The following FCHSD2 variants were observed in gnomAD, a reference collection of about 807,000 sequenced individuals.
FCHSD2 encodes FCH and double SH3 domains 2.
Under a neutral mutation model 108.1 loss-of-function variants are expected in FCHSD2, and 38 were observed. That is an observed-to-expected ratio of 0.35 (90% CI 0.27 to 0.46). The LOEUF (loss-of-function observed/expected upper bound fraction) is 0.46. Among genes scored for constraint, FCHSD2 ranks in the 20% least tolerant of loss-of-function variants. The pLI is 1.00. For synonymous variants in FCHSD2, 279 were observed against 314.7 expected (o/e 0.89, Z 1.20); for missense variants, 751 against 897.8 (o/e 0.84, Z 2.09).
At chr11:73,036,263 A>G (rs73534943) in intron 3 of FCHSD2, among the ~76,000 whole-genome samples, 5,094 of 152,074 alleles carry the variant, frequency 0.033, 283 homozygotes, top group African/African-American at 0.12. Context: ...TGGAGCCAAC[A>G]TAATAATTTT....
intron 2 of FCHSD2, among the ~76,000 whole-genome samples, chr11:73,111,054 G>GT (rs901411922): frequency 3.9e-4 from 59 of 151,678 alleles, no homozygotes; most frequent in Admixed American, 9.2e-4. Flanking sequence ...TATTTCAGGG[G>GT]TTTTTTTTAA....
At chr11:72,969,348 G>A (rs910423690) in intron 8 of FCHSD2, among the ~76,000 whole-genome samples, 45 of 152,248 alleles carry the variant, frequency 3.0e-4, no homozygotes, top group African/African-American at 1.0e-3. Context: ...AATAAAAATC[G>A]GATTAGAACT....
rs76107225 is a variant in FCHSD2, at chr11:72,851,422, T to C, written c.1309-1533A>G. 3.1e-4 allele frequency among the ~76,000 whole-genome samples: 47 copies of C among 152,224 alleles called. No homozygotes were observed. The East Asian group carries it at 8.7e-3, about 28-fold the overall frequency. ...TGAATGCACTCTGATGTATCCATAT[T>C]ATAGATTAATAACACTCATTAAAAA... On this transcript the variant is annotated intron_variant, in intron 13 of 19. Transcript: ENST00000409418.
intron 2 of FCHSD2, among the ~76,000 whole-genome samples, chr11:73,116,161 A>G (rs561491163): frequency 5.1e-4 from 78 of 152,322 alleles, no homozygotes; most frequent in African/African-American, 1.9e-3. Context: ...CTTTACTGAG[A>G]TGATCTTATG....
intron 8 of FCHSD2, among the ~76,000 whole-genome samples, chr11:72,931,076 T>C (rs893491512): frequency 6.9e-6 from 1 of 145,384 alleles, no homozygotes; most frequent in Non-Finnish European, 1.5e-5. Context: ...ATATACCTAC[T>C]ATATACCCAC....
intron 2 of FCHSD2, among the ~76,000 whole-genome samples, chr11:73,112,985 T>A (rs547788844): frequency 6.6e-6 from 1 of 152,306 alleles, no homozygotes; most frequent in East Asian, 1.9e-4. Flanking sequence ...CTTTTGCAGC[T>A]ACTTTCTAGA....
intron 8 of FCHSD2, among the ~76,000 whole-genome samples, chr11:72,971,103 G>A (rs1241549664): frequency 6.6e-6 from 1 of 152,056 alleles, no homozygotes; most frequent in Non-Finnish European, 1.5e-5. Flanking sequence ...CAAACTAAAT[G>A]CTGTTGTTTT....
At chr11:72,935,252 A>T (rs1446228629) in intron 8 of FCHSD2, among the ~76,000 whole-genome samples, 1 of 152,146 alleles carries the variant, frequency 6.6e-6, no homozygotes, top group Non-Finnish European at 1.5e-5. Context: ...AAAATGGGTC[A>T]TTTTCCTAAG....
intron 8 of FCHSD2, among the ~76,000 whole-genome samples, chr11:72,961,226 T>C (rs1221681289): frequency 6.6e-6 from 1 of 152,130 alleles, no homozygotes; most frequent in Admixed American, 6.6e-5. Context: ...TTTCTCTGTA[T>C]TTAGTACTTT....
At chr11:72,975,116 G>T (rs1446472159) in intron 8 of FCHSD2, among the ~76,000 whole-genome samples, 1 of 152,144 alleles carries the variant, frequency 6.6e-6, no homozygotes, top group Non-Finnish European at 1.5e-5. Flanking sequence ...ATGTCCTCTA[G>T]GGTCATCCAT....
intron 9 of FCHSD2, among the ~76,000 whole-genome samples, chr11:72,907,202 G>A (rs1460835827): frequency 2.0e-5 from 3 of 152,184 alleles, no homozygotes; most frequent in African/African-American, 7.2e-5. Context: ...AGACTTTGCT[G>A]AAGTTGCTTA....
chr11:72,903,106 G>GT lies in FCHSD2; in HGVS notation c.829-469dup, dbSNP rs2135275391. On this transcript the variant is annotated intron_variant, in intron 9 of 19. Transcript: ENST00000409418. ...CACAGCACCAAATAGTGTTTGTAGA[G>GT]TATTTCTCAGCACCTTCTTGAGGAG... 1.3e-5 allele frequency among the ~76,000 whole-genome samples: 2 copies of GT among 152,322 alleles called. 1 individual carries two copies. The highest frequency in any genetic ancestry group is 4.1e-4 in the South Asian group (2 of 4,828).
intron 2 of FCHSD2, among the ~76,000 whole-genome samples, chr11:73,096,373 T>C: frequency 2.7e-5 from 2 of 73,490 alleles, no homozygotes; most frequent in South Asian, 5.5e-4. Context: ...AAACCCTGCC[T>C]CTACAAAAAA....
intron 2 of FCHSD2, among the ~76,000 whole-genome samples, chr11:73,132,467 C>T (rs1366040929): frequency 1.3e-5 from 2 of 152,294 alleles, no homozygotes; most frequent in Admixed American, 1.3e-4. Context: ...TTTCAATCTA[C>T]GGCCTACCTT....
At chr11:73,070,185 G>T (rs1859399370) in intron 3 of FCHSD2, among the ~76,000 whole-genome samples, 1 of 152,130 alleles carries the variant, frequency 6.6e-6, no homozygotes. Context: ...TAATGACATG[G>T]AAAGCAATCT....
At chr11:72,984,984 C>T in intron 7 of FCHSD2, 78 bp downstream of exon 7, 1 of 665,192 alleles carries the variant, frequency 1.5e-6, no homozygotes. Flanking sequence ...TAATCCACCT[C>T]CACCCTCAAA....
chr11:73,114,160 T>C (rs1860555073), intron 2 of FCHSD2, among the ~76,000 whole-genome samples: 1 of 151,914 alleles, frequency 6.6e-6, no homozygotes, highest in Non-Finnish European at 1.5e-5. Flanking sequence ...AAGTCCTTCC[T>C]ATTCTTCCCT....
chr11:72,918,725 T>C (rs952526706), intron 9 of FCHSD2, among the ~76,000 whole-genome samples: 1 of 152,172 alleles, frequency 6.6e-6, no homozygotes, highest in African/African-American at 2.4e-5. Flanking sequence ...TAGAATAACA[T>C]TGTTATTTTC....
intron 2 of FCHSD2, among the ~76,000 whole-genome samples, chr11:73,119,052 A>T (rs1371731228): frequency 6.6e-6 from 1 of 152,184 alleles, no homozygotes; most frequent in Non-Finnish European, 1.5e-5. Context: ...CTGTAATCCT[A>T]CCACTTTGGG....
Sources: gnomAD v4.1 joint callset for allele counts (sites outside exome capture counted in the v4.1 genomes callset) on GRCh38, gnomAD v4.1.1 for gene constraint, MANE v1.5 for transcripts, NCBI Gene and HGNC (gene_info 2026-07-23, HGNC 2026-07-21) for gene names.